Variants in PCDH11X observed in about 807,000 individuals in gnomAD.
PCDH11X encodes protocadherin 11 X-linked, also known as protocadherin-11 X-linked.
PCDH11X carries 18 observed loss-of-function variants against 53.3 expected under a neutral mutation model. The ratio of observed to expected loss-of-function variants is 0.34; its 90% confidence interval spans 0.23 to 0.50. The LOEUF is 0.50. Ranked by LOEUF, PCDH11X falls within the 20% of genes least tolerant of loss-of-function variation. The pLI, the probability that PCDH11X is intolerant of heterozygous loss-of-function variation, is 0.98. For missense variants in PCDH11X, 570 were observed against 1,032.4 expected, an observed-to-expected ratio of 0.55 and a Z score of 6.14; for synonymous variants, 279 against 393.3, an observed-to-expected ratio of 0.71 and a Z score of 3.44.
chrX:92,098,855 CA>C (rs1250699515), intron 6 of PCDH11X, among the ~76,000 whole-genome samples: 1 of 110,253 alleles, frequency 9.1e-6, no homozygotes, highest in African/African-American at 3.3e-5. Flanking sequence ...CCATGTTGGT[CA>C]GGCTGGTCTC....
intron 6 of PCDH11X, among the ~76,000 whole-genome samples, chrX:92,048,850 A>G (rs1421294547): frequency 1.8e-5 from 2 of 112,239 alleles, no homozygotes; most frequent in Non-Finnish European, 3.8e-5. Flanking sequence ...GCTTCGTTTT[A>G]TATATTTTAG....
intron 4 of PCDH11X, chrX:91,834,944 T>C (rs1937240295): frequency 3.9e-6 from 3 of 766,806 alleles, no homozygotes; most frequent in Non-Finnish European, 4.6e-6. Context: ...TTATAATGAT[T>C]CCTTGCCTCG....
chrX:92,336,595 G>T (rs1603277268), intron 8 of PCDH11X, among the ~76,000 whole-genome samples: 1 of 111,365 alleles, frequency 9.0e-6, no homozygotes, highest in African/African-American at 3.3e-5. Flanking sequence ...GGGCATTTTT[G>T]ATTAAGCTGT....
intron 6 of PCDH11X, among the ~76,000 whole-genome samples, chrX:91,931,555 G>T (rs1275431327): frequency 9.0e-6 from 1 of 110,944 alleles, no homozygotes; most frequent in African/African-American, 3.3e-5. Context: ...TTCAGGTGAA[G>T]GTTACACTAT....
chrX:92,040,720 G>A (rs1450495288), intron 6 of PCDH11X, among the ~76,000 whole-genome samples: 1 of 109,465 alleles, frequency 9.1e-6, no homozygotes, highest in Non-Finnish European at 1.9e-5. Flanking sequence ...TTATGTTCCT[G>A]TCAAGTGGAC....
chrX:92,162,894 T>C (rs1458652369), intron 6 of PCDH11X, among the ~76,000 whole-genome samples: 1 of 107,729 alleles, frequency 9.3e-6, no homozygotes, highest in African/African-American at 3.4e-5. Flanking sequence ...GCCCTAGAAC[T>C]CCCAAGAGGA....
chrX:91,813,956 C>A (rs1936375207), intron 4 of PCDH11X, among the ~76,000 whole-genome samples: 1 of 103,488 alleles, frequency 9.7e-6, no homozygotes, highest in South Asian at 4.5e-4. Flanking sequence ...TTTTAATTAT[C>A]TTTTTTATTT....
intron 10 of PCDH11X, among the ~76,000 whole-genome samples, chrX:92,530,858 G>A (rs184141231): frequency 9.0e-6 from 1 of 110,633 alleles, no homozygotes; most frequent in Non-Finnish European, 1.9e-5. Flanking sequence ...GATGGAGATC[G>A]TTTCAGTGCA....
chrX:92,023,847 A>G (rs1449419930), intron 6 of PCDH11X, among the ~76,000 whole-genome samples: 13 of 110,778 alleles, frequency 1.2e-4, no homozygotes, highest in Non-Finnish European at 2.5e-4. Context: ...CCTGGGATGC[A>G]AGGCTGGTTC....
intron 6 of PCDH11X, among the ~76,000 whole-genome samples, chrX:91,915,927 G>A (rs1466534740): frequency 9.1e-6 from 1 of 109,701 alleles, no homozygotes; most frequent in Non-Finnish European, 1.9e-5. Flanking sequence ...CTCCAGAGTA[G>A]AACATGTGAT....
At position 92,452,475 on chromosome X, in the gene PCDH11X, A is replaced by G. The variant is rs1261101847; in HGVS notation, c.3344-15824A>G. Among the ~76,000 whole-genome samples the G allele has an allele frequency of 4.8e-4, 27 of 55,740 alleles. 1 individual carries two copies. Among genetic ancestry groups the G allele is most frequent in the Non-Finnish European group, 8.0e-4 (25 of 31,095 alleles). 48.4% of individuals were successfully genotyped at this position (55,740 alleles called of 115,157 possible). ...GATGTGTGTGTGTGTATATATATATATATATATATATATATATATATATGT... is the reference window on the plus strand; with the variant it reads ...GATGTGTGTGTGTGTATATATATATGTATATATATATATATATATATATGT... On this transcript the variant is annotated intron_variant, in intron 9 of 10. Coordinates refer to ENST00000682573, the MANE Select transcript of PCDH11X (RefSeq NM_032968.5).
intron 6 of PCDH11X, among the ~76,000 whole-genome samples, chrX:92,075,480 A>AT (rs1308006892): frequency 9.0e-6 from 1 of 111,067 alleles, no homozygotes; most frequent in East Asian, 2.8e-4. Flanking sequence ...CTAGTATGGG[A>AT]TTTTTATTTG....
chrX:92,401,136 C>T (rs2071379611), intron 9 of PCDH11X, among the ~76,000 whole-genome samples: 2 of 108,478 alleles, frequency 1.8e-5, no homozygotes, highest in African/African-American at 6.8e-5. Flanking sequence ...AATATATAGT[C>T]AAAATTTTCC....
At chrX:92,148,137 C>T (rs201791383) in intron 6 of PCDH11X, among the ~76,000 whole-genome samples, 2 of 7,931 alleles carry the variant, frequency 2.5e-4, no homozygotes, top group Non-Finnish European at 4.0e-4. Context: ...TTTCTTTTTC[C>T]TTCCTTCCTT....
intron 6 of PCDH11X, among the ~76,000 whole-genome samples, chrX:92,143,992 C>A (rs2065230749): frequency 8.9e-6 from 1 of 111,977 alleles, no homozygotes; most frequent in Non-Finnish European, 1.9e-5. Flanking sequence ...CATTTTGGAG[C>A]TTTAAAATTT....
chrX:92,270,140 C>T (rs763722235), intron 8 of PCDH11X, among the ~76,000 whole-genome samples: 6 of 101,566 alleles, frequency 5.9e-5, no homozygotes, highest in South Asian at 4.8e-4. Flanking sequence ...TTTTGAGACT[C>T]GCTCTGTCCC....
intron 7 of PCDH11X, among the ~76,000 whole-genome samples, chrX:92,253,053 G>C (rs780822046): frequency 6.3e-5 from 7 of 110,696 alleles, no homozygotes; most frequent in Non-Finnish European, 1.3e-4. Flanking sequence ...AAAAAAAAAA[G>C]TTGTAAACCT....
intron 4 of PCDH11X, among the ~76,000 whole-genome samples, chrX:91,816,214 A>T (rs1188970673): frequency 3.6e-5 from 4 of 111,979 alleles, no homozygotes; most frequent in Non-Finnish European, 5.6e-5. Flanking sequence ...TCTGAAAATT[A>T]TCATAAAATT....
chrX:92,593,591 A>C (rs1473215176), intron 10 of PCDH11X, among the ~76,000 whole-genome samples: 1 of 111,796 alleles, frequency 8.9e-6, no homozygotes, highest in Non-Finnish European at 1.9e-5. Flanking sequence ...AAACTTTCTT[A>C]AAAGAGTAAT....
Sources: allele counts gnomAD v4.1 joint callset (sites outside exome capture counted in the v4.1 genomes callset), GRCh38; gene constraint gnomAD v4.1.1; transcripts MANE v1.5; gene names NCBI Gene and HGNC (gene_info 2026-07-23, HGNC 2026-07-21).